CDH12: variants seen among roughly 807,000 people sequenced by gnomAD.
CDH12 encodes the protein cadherin 12.
Under a neutral mutation model 74.1 loss-of-function variants are expected in CDH12, and 41 were observed. That is an observed-to-expected ratio of 0.55 (90% confidence interval 0.43 to 0.72). The LOEUF (loss-of-function observed/expected upper bound fraction) is 0.72, where lower values mean the gene tolerates loss of function less well. CDH12 is among the 30% of genes least tolerant of loss of function. The pLI, the probability that CDH12 is intolerant of heterozygous loss-of-function variation, is 0.00. For missense variants in CDH12, 945 were observed against 977.2 expected (o/e 0.97, Z 0.44); for synonymous variants, 399 against 355.0 (o/e 1.12, Z -1.39).
intron 3 of CDH12, among the ~76,000 whole-genome samples, chr5:22,272,364 GT>G (rs1340430973): frequency 6.6e-6 from 1 of 152,166 alleles, no homozygotes; most frequent in African/African-American, 2.4e-5. Flanking sequence ...GTTGTGGCTG[GT>G]TTTATCTTCT....
intron 3 of CDH12, among the ~76,000 whole-genome samples, chr5:22,375,724 G>A (rs1267872339): frequency 6.6e-6 from 1 of 151,688 alleles, no homozygotes; most frequent in Non-Finnish European, 1.5e-5. Flanking sequence ...AGGGAAATGC[G>A]ACTCAAAACC....
intron 1 of CDH12, among the ~76,000 whole-genome samples, chr5:22,695,067 C>T (rs1742290240): frequency 1.3e-5 from 2 of 152,086 alleles, no homozygotes; most frequent in African/African-American, 4.8e-5. Context: ...TCAACTCCCA[C>T]TTATGAGTGA....
intron 1 of CDH12, among the ~76,000 whole-genome samples, chr5:22,814,894 T>C (rs758335407): frequency 2.6e-5 from 4 of 152,230 alleles, no homozygotes; most frequent in Non-Finnish European, 4.4e-5. Context: ...AAGGAGTTTT[T>C]TCTTAACTAT....
intron 5 of CDH12, among the ~76,000 whole-genome samples, chr5:22,015,454 T>C (rs995949509): frequency 1.2e-4 from 18 of 152,178 alleles, no homozygotes; most frequent in Non-Finnish European, 2.1e-4. Flanking sequence ...ATTTACATTT[T>C]TATCTCTGAA....
intron 3 of CDH12, among the ~76,000 whole-genome samples, chr5:22,397,668 C>G (rs112540475): frequency 1.3e-3 from 198 of 152,134 alleles, no homozygotes; most frequent in African/African-American, 4.5e-3. Context: ...GAATAAGAAG[C>G]AGTTATAAGA....
chr5:22,165,335 T>C (rs1396437939), intron 4 of CDH12, among the ~76,000 whole-genome samples: 1 of 152,254 alleles, frequency 6.6e-6, no homozygotes, highest in East Asian at 1.9e-4. Context: ...GTGGATTTGT[T>C]AGGAGTGTTC....
Position 22,527,862 on chromosome 5 carries a change from T to C in CDH12, c.-522-22498A>G, listed in dbSNP as rs564166109. ...TTTAGCCAAACAACCAAATAGAGCC[T>C]TTTTGAACTCCCTGAACTGCAACAC... On this transcript the variant is annotated intron_variant, in intron 1 of 14. Transcript: ENST00000382254. 3.3e-4 allele frequency among the ~76,000 whole-genome samples: 50 copies of C among 152,250 alleles called. 1 individual carries two copies. The highest frequency in any genetic ancestry group is 3.4e-3 in the Middle Eastern group (1 of 294).
chr5:22,202,225 C>T (rs1435220685), intron 4 of CDH12, among the ~76,000 whole-genome samples: 2 of 134,638 alleles, frequency 1.5e-5, no homozygotes, highest in African/African-American at 5.6e-5. Context: ...GTTACTACCT[C>T]TGTGACAGAC....
chr5:22,589,203 A>G (rs769682461), intron 1 of CDH12, among the ~76,000 whole-genome samples: 29 of 152,166 alleles, frequency 1.9e-4, no homozygotes, highest in Non-Finnish European at 3.8e-4. Flanking sequence ...TTGAATTCCT[A>G]CAATGTGCAT....
intron 2 of CDH12, among the ~76,000 whole-genome samples, chr5:22,407,936 G>A (rs1040067607): frequency 6.6e-6 from 1 of 152,076 alleles, no homozygotes; most frequent in Non-Finnish European, 1.5e-5. Flanking sequence ...ACTGTACTGT[G>A]TAGAAATAGC....
intron 2 of CDH12, among the ~76,000 whole-genome samples, chr5:22,411,692 C>A (rs554104018): frequency 1.6e-4 from 25 of 151,998 alleles, no homozygotes; most frequent in South Asian, 1.0e-3. Context: ...ATAGTTTTGA[C>A]CCAGCATTTT....
At chr5:21,953,257 C>T (rs959143375) in intron 6 of CDH12, among the ~76,000 whole-genome samples, 2 of 152,136 alleles carry the variant, frequency 1.3e-5, no homozygotes, top group Non-Finnish European at 2.9e-5. Flanking sequence ...ACTCTCTCAA[C>T]CAATTGTCAA....
rs1483511572 is a variant in CDH12, at chr5:22,586,497, A to ATATATG, written c.-522-81134_-522-81133insCATATA. ...GAACTTAAAGTATAATAAAATATAT[A>ATATATG]TATATATAAATAAAAATAAAACTTG... is the stretch of plus-strand genomic sequence containing the variant. On this transcript the variant is annotated intron_variant, in intron 1 of 14. Transcript: ENST00000382254. Among the ~76,000 whole-genome samples the ATATATG allele has an allele frequency of 4.7e-5, 7 of 149,142 alleles. No homozygotes were observed. The East Asian group carries it at 1.4e-3, about 29-fold the overall frequency.
At chr5:22,002,944 T>A (rs1210082050) in intron 5 of CDH12, among the ~76,000 whole-genome samples, 1 of 152,134 alleles carries the variant, frequency 6.6e-6, no homozygotes, top group Non-Finnish European at 1.5e-5. Context: ...GAACACATTC[T>A]ATTTTGAGCA....
At chr5:22,376,467 A>T (rs192991952) in intron 3 of CDH12, among the ~76,000 whole-genome samples, 30 of 152,282 alleles carry the variant, frequency 2.0e-4, no homozygotes, top group East Asian at 7.7e-4. Flanking sequence ...AATGTTTCTA[A>T]CACAAAGAAA....
chr5:22,071,814 C>T (rs1183515053), intron 5 of CDH12, among the ~76,000 whole-genome samples: 1 of 151,962 alleles, frequency 6.6e-6, no homozygotes, highest in African/African-American at 2.4e-5. Context: ...TACTTGAGTC[C>T]CAAATCTACA....
At chr5:22,284,120 G>A (rs780213511) in intron 3 of CDH12, among the ~76,000 whole-genome samples, 1 of 152,112 alleles carries the variant, frequency 6.6e-6, no homozygotes, top group African/African-American at 2.4e-5. Flanking sequence ...ATGTGACAGA[G>A]TATAAAAATA....
intron 1 of CDH12, among the ~76,000 whole-genome samples, chr5:22,528,283 G>T (rs1487015566): frequency 1.3e-5 from 2 of 152,114 alleles, no homozygotes; most frequent in Non-Finnish European, 2.9e-5. Context: ...AGTAGGGGGG[G>T]TTGCTTCCAC....
chr5:22,614,222 A>G (rs1171634758), intron 1 of CDH12, among the ~76,000 whole-genome samples: 1 of 152,138 alleles, frequency 6.6e-6, no homozygotes. Flanking sequence ...GACTTGTTGC[A>G]AAACAATGAG....
Sources: gnomAD v4.1 joint callset for allele counts (sites outside exome capture counted in the v4.1 genomes callset) on GRCh38, gnomAD v4.1.1 for gene constraint, MANE v1.5 for transcripts, NCBI Gene and HGNC (gene_info 2026-07-23, HGNC 2026-07-21) for gene names.